Variants in COMMD7 observed in about 807,000 individuals in gnomAD.
COMMD7 encodes COMM domain-containing protein 7.
COMMD7 carries 28 observed loss-of-function variants against 34.8 expected under a neutral mutation model. That is an observed-to-expected ratio of 0.80 (90% CI 0.60 to 1.10). The LOEUF (loss-of-function observed/expected upper bound fraction) is 1.10. Among genes scored for constraint, COMMD7 ranks in the 50% least tolerant of loss-of-function variants. The pLI, the probability that COMMD7 is intolerant of heterozygous loss-of-function variation, is 0.00. For synonymous variants in COMMD7, 80 were observed against 86.4 expected (o/e 0.93, Z 0.41); for missense variants, 211 against 241.6 (o/e 0.87, Z 0.84).
At chr20:32,714,933 C>T (rs1442200062) in intron 3 of COMMD7, among the ~76,000 whole-genome samples, 1 of 151,756 alleles carries the variant, frequency 6.6e-6, no homozygotes, top group Non-Finnish European at 1.5e-5. Context: ...TCGCTTGAAC[C>T]CAGGAGGCAG....
intron 3 of COMMD7, among the ~76,000 whole-genome samples, chr20:32,711,413 C>CT (rs1423197760): frequency 1.4e-5 from 2 of 139,862 alleles, no homozygotes; most frequent in South Asian, 2.3e-4. Context: ...AAAAATGTTA[C>CT]TTAAAAAAAA....
intron 3 of COMMD7, among the ~76,000 whole-genome samples, chr20:32,727,477 A>G (rs933645215): frequency 1.3e-5 from 2 of 150,262 alleles, no homozygotes; most frequent in African/African-American, 2.5e-5. Flanking sequence ...CAGAGGTTAC[A>G]GTGAGCTAAG....
intron 3 of COMMD7, among the ~76,000 whole-genome samples, chr20:32,714,067 C>G (rs111351542): frequency 6.6e-6 from 1 of 151,942 alleles, no homozygotes; most frequent in Admixed American, 6.6e-5. Context: ...GAGCCGAGAT[C>G]GTGCCACTGC....
chr20:32,703,954 G>A, intron 8 of COMMD7, 69 bp downstream of exon 8: 1 of 1,610,540 alleles, frequency 6.2e-7, no homozygotes, highest in Non-Finnish European at 8.5e-7. Context: ...TTTGTGGTGA[G>A]CGTCACCAGC....
intron 3 of COMMD7, among the ~76,000 whole-genome samples, chr20:32,712,587 AC>A (rs1453429815): frequency 6.8e-6 from 1 of 146,628 alleles, no homozygotes; most frequent in Admixed American, 7.1e-5. Flanking sequence ...AAATCTGCAC[AC>A]CCTGCACATG....
chr20:32,733,591 G>A (rs778942639), intron 1 of COMMD7, among the ~76,000 whole-genome samples: 5 of 152,064 alleles, frequency 3.3e-5, no homozygotes, highest in South Asian at 2.1e-4. Flanking sequence ...GTGGTGGCAC[G>A]TGCCTATAAT....
rs148190986 is a variant in COMMD7, at chr20:32,730,527, C to G, written c.85-2385G>C. 4.4e-3 allele frequency among the ~76,000 whole-genome samples: 672 copies of G among 151,804 alleles called. 3 individuals are homozygous for G. The highest frequency in any genetic ancestry group is 0.015 in the African/African-American group (637 of 41,382). ...TGGAGATCATGCCACTGCACTCCAG[C>G]CTGGGTGACAGAGCGAGACTCCGTT... On this transcript the variant is annotated intron_variant, in intron 1 of 8. Coordinates refer to ENST00000278980, the MANE Select transcript of COMMD7 (RefSeq NM_053041.3).
intron 3 of COMMD7, among the ~76,000 whole-genome samples, chr20:32,722,673 G>A (rs1294740867): frequency 2.0e-5 from 3 of 150,370 alleles, no homozygotes; most frequent in Admixed American, 6.7e-5. Flanking sequence ...GCAGTGAGCC[G>A]AGATCGTGCC....
At chr20:32,729,956 T>C (rs1000876713) in intron 1 of COMMD7, among the ~76,000 whole-genome samples, 52 of 151,998 alleles carry the variant, frequency 3.4e-4, no homozygotes, top group Admixed American at 3.4e-3. Flanking sequence ...GGGGTTGCAG[T>C]GAGCTGTGAT....
At chr20:32,705,378 T>TA (rs1600962313) in intron 5 of COMMD7, among the ~76,000 whole-genome samples, 74 of 61,258 alleles carry the variant, frequency 1.2e-3, no homozygotes, top group East Asian at 6.1e-3. Flanking sequence ...ATATATATAT[T>TA]TTTTTTTTTC....
At chr20:32,732,054 C>A (rs1985868661) in intron 1 of COMMD7, among the ~76,000 whole-genome samples, 1 of 152,120 alleles carries the variant, frequency 6.6e-6, no homozygotes, top group Admixed American at 6.6e-5. Context: ...ACTGGGGTGA[C>A]CTTTCTAGGG....
intron 3 of COMMD7, among the ~76,000 whole-genome samples, chr20:32,721,100 A>G (rs186350639): frequency 3.3e-5 from 5 of 152,346 alleles, no homozygotes; most frequent in Non-Finnish European, 7.3e-5. Context: ...AGGGGAGGTT[A>G]CTGTGAACTC....
rs770963512 is a variant in COMMD7 at position 32,704,876 on chromosome 20, C to T, written c.365G>A (p.Arg122Gln). 12 of 1,613,936 alleles carry T rather than the reference C, an allele frequency of 7.4e-6. No homozygotes were observed. The highest frequency in any genetic ancestry group is 2.2e-5 in the East Asian group (1 of 44,868). Residue 122 changes from arginine to glutamine, a missense_variant, in exon 6 of 9, where the codon CGA becomes CAA. Transcript: ENST00000278980. ...KWKQNAPTLA[R>Q]WAIGQTLMIN... ...CATCAGAGTCTGACCTATGGCCCAT[C>T]GAGCAAGGGTGGGAGCATTCTGCTT...
At chr20:32,704,791 C>T (rs1983964216) in intron 6 of COMMD7, 23 bp downstream of exon 6, 2 of 1,572,570 alleles carry the variant, frequency 1.3e-6, no homozygotes, top group Admixed American at 3.3e-5. Context: ...CCAAATAACC[C>T]AGGACTGGTT....
chr20:32,718,753 A>C (rs963914068), intron 3 of COMMD7, among the ~76,000 whole-genome samples: 2 of 152,074 alleles, frequency 1.3e-5, no homozygotes, highest in African/African-American at 4.8e-5. Context: ...AGTACTTTAC[A>C]AAGCTTTTAC....
chr20:32,728,370 ATGTATTGAGAGAC>A lies in COMMD7; in HGVS notation c.85-241_85-229del, dbSNP rs1485009091. Among the ~76,000 whole-genome samples, 3 of 152,206 alleles carry A rather than the reference ATGTATTGAGAGAC, an allele frequency of 2.0e-5. No homozygotes were observed. In the East Asian group the frequency reaches 5.8e-4, roughly 29 times the overall value. Reference sequence around the variant, plus strand: ...ACGTTTATTGGGATACTTAGCAGACATGTATTGAGAGACTGTAAGCATATGCACTCAGATGCAC... The same window carrying A: ...ACGTTTATTGGGATACTTAGCAGACATGTAAGCATATGCACTCAGATGCAC... On this transcript the variant is annotated intron_variant, in intron 1 of 8. Coordinates refer to ENST00000278980, the MANE Select transcript of COMMD7 (RefSeq NM_053041.3).
intron 3 of COMMD7, among the ~76,000 whole-genome samples, chr20:32,711,779 G>C (rs879282249): frequency 6.8e-6 from 1 of 147,050 alleles, no homozygotes; most frequent in South Asian, 2.2e-4. Context: ...AGACAGACCT[G>C]CAACATTTGA....
At chr20:32,735,877 T>C (rs2145783212) in intron 1 of COMMD7, among the ~76,000 whole-genome samples, 1 of 152,312 alleles carries the variant, frequency 6.6e-6, no homozygotes, top group South Asian at 2.1e-4. Context: ...TCCAGCTTGG[T>C]AAGAGGACTG....
chr20:32,740,586 T>C (rs1387836282), intron 1 of COMMD7, among the ~76,000 whole-genome samples: 1 of 152,046 alleles, frequency 6.6e-6, no homozygotes, highest in Non-Finnish European at 1.5e-5. Context: ...CGCCCAGCCA[T>C]GTTTGTGTTT....
Sources: gnomAD v4.1 joint callset for allele counts (sites outside exome capture counted in the v4.1 genomes callset) on GRCh38, gnomAD v4.1.1 for gene constraint, MANE v1.5 for transcripts, NCBI Gene and HGNC (gene_info 2026-07-23, HGNC 2026-07-21) for gene names.